MAP3K7: variants seen among roughly 807,000 people sequenced by gnomAD.
MAP3K7 encodes the protein TGF-beta activated kinase 1.
Under a neutral mutation model 84.8 loss-of-function variants are expected in MAP3K7, and 21 were observed. The observed-to-expected ratio is 0.25, with a 90% CI of 0.18 to 0.36. The LOEUF is 0.36. Ranked by LOEUF, MAP3K7 falls within the 10% of genes least tolerant of loss-of-function variation. The probability of loss-of-function intolerance (pLI) is 1.00; values close to 1 mark genes in which losing one functional copy is unlikely to be tolerated. For synonymous variants in MAP3K7, 241 were observed against 247.7 expected, an observed-to-expected ratio of 0.97 and a Z score of 0.25; for missense variants, 503 against 747.7, an observed-to-expected ratio of 0.67 and a Z score of 3.82.
intron 5 of MAP3K7, 90 bp downstream of exon 5, chr6:90,559,986 A>G (rs1190565689): frequency 6.9e-7 from 1 of 1,442,468 alleles, no homozygotes. Context: ...CCTGTACAAT[A>G]ATGAGCTTGA....
At chr6:90,537,519 GAAT>G (rs1298098678) in intron 12 of MAP3K7, among the ~76,000 whole-genome samples, 1 of 151,964 alleles carries the variant, frequency 6.6e-6, no homozygotes, top group African/African-American at 2.4e-5. Flanking sequence ...ATGTTTAATA[GAAT>G]AATATGTGTA....
At chr6:90,576,252 T>C (rs952163248) in intron 1 of MAP3K7, among the ~76,000 whole-genome samples, 3 of 151,594 alleles carry the variant, frequency 2.0e-5, no homozygotes, top group Non-Finnish European at 4.4e-5. Flanking sequence ...TGAAACCCCA[T>C]CTCTACTAAA....
chr6:90,542,254 G>A (rs1387899836), intron 12 of MAP3K7: 45 of 984,116 alleles, frequency 4.6e-5, no homozygotes, highest in Non-Finnish European at 5.1e-5. Flanking sequence ...CATTACCTAT[G>A]AGCACATTCA....
chr6:90,566,197 T>C (rs1307811204), intron 3 of MAP3K7, among the ~76,000 whole-genome samples: 5 of 152,200 alleles, frequency 3.3e-5, no homozygotes, highest in Non-Finnish European at 7.3e-5. Flanking sequence ...CAACATAGTG[T>C]TGGAAGTTCT....
chr6:90,540,616 A>G (rs1338451229), intron 12 of MAP3K7, among the ~76,000 whole-genome samples: 1 of 151,942 alleles, frequency 6.6e-6, no homozygotes, highest in Non-Finnish European at 1.5e-5. Context: ...GTATATATGT[A>G]TATGACAGTA....
At chr6:90,567,570 G>T (rs1185805537) in intron 3 of MAP3K7, among the ~76,000 whole-genome samples, 2 of 152,192 alleles carry the variant, frequency 1.3e-5, no homozygotes, top group South Asian at 4.1e-4. Context: ...AACAACAGGT[G>T]CTGGAGAGGA....
At chr6:90,517,717 TTC>T (rs1301293088) in intron 16 of MAP3K7, among the ~76,000 whole-genome samples, 4 of 151,932 alleles carry the variant, frequency 2.6e-5, no homozygotes, top group Non-Finnish European at 5.9e-5. Flanking sequence ...AAACAATTTT[TTC>T]TCTCTTTTTT....
intron 8 of MAP3K7, 34 bp downstream of exon 8, chr6:90,552,015 C>G: frequency 6.4e-7 from 1 of 1,572,214 alleles, no homozygotes; most frequent in Non-Finnish European, 8.7e-7. Flanking sequence ...TTAAATTCCC[C>G]TAAATCCAAA....
rs1398296307 is a variant in MAP3K7 at position 90,548,190 on chromosome 6, G to A, written c.950-13C>T. 1 of 1,599,220 alleles carries A rather than the reference G, an allele frequency of 6.3e-7. No individual in the cohort carries two copies. The highest frequency in any genetic ancestry group is 8.5e-7 in the Non-Finnish European group (1 of 1,173,684). ...TCCATGAATGAGCCTAGGAAAAGCAGAAACATTTATGACTAATGGCTGGAA... is the reference window on the plus strand; with the variant it reads ...TCCATGAATGAGCCTAGGAAAAGCAAAAACATTTATGACTAATGGCTGGAA... On this transcript the variant is annotated splice_polypyrimidine_tract_variant and intron_variant, in intron 9 of 16. Transcript: ENST00000369329.
chr6:90,561,429 G>C (rs1467431752), intron 4 of MAP3K7, among the ~76,000 whole-genome samples, 193 bp downstream of exon 4: 2 of 151,968 alleles, frequency 1.3e-5, no homozygotes, highest in Non-Finnish European at 2.9e-5. Context: ...AAAATTGATA[G>C]ACCTCTAAAT....
chr6:90,565,516 G>A (rs1776672077), intron 3 of MAP3K7, among the ~76,000 whole-genome samples: 2 of 152,152 alleles, frequency 1.3e-5, no homozygotes, highest in Admixed American at 1.3e-4. Context: ...AAACCAGGAA[G>A]AAGTTGAATC....
intron 9 of MAP3K7, among the ~76,000 whole-genome samples, chr6:90,548,936 T>G (rs1048496303): frequency 1.3e-5 from 2 of 151,798 alleles, no homozygotes; most frequent in Non-Finnish European, 2.9e-5. Flanking sequence ...CTAGTGACCT[T>G]GACAAGAACA....
intron 1 of MAP3K7, among the ~76,000 whole-genome samples, chr6:90,585,398 C>G (rs1244704261): frequency 6.6e-6 from 1 of 152,194 alleles, no homozygotes; most frequent in Non-Finnish European, 1.5e-5. Context: ...CGTTATCTCA[C>G]TACTTTGAAC....
At chr6:90,552,230 T>C (rs764261030) in intron 7 of MAP3K7, 51 bp from the exon 8 acceptor site, 1 of 1,525,578 alleles carries the variant, frequency 6.6e-7, no homozygotes, top group South Asian at 1.2e-5. Flanking sequence ...ACCCAAAGAA[T>C]GATGCAAACT....
intron 2 of MAP3K7, 116 bp downstream of exon 2, chr6:90,571,581 C>T (rs566076340): frequency 7.9e-5 from 41 of 515,880 alleles, no homozygotes; most frequent in Middle Eastern, 1.0e-3. Context: ...AACCGAATTG[C>T]TGATGTTCAT....
chr6:90,561,805 C>G, intron 3 of MAP3K7, 138 bp from the exon 4 acceptor site: 1 of 648,944 alleles, frequency 1.5e-6, no homozygotes, highest in Non-Finnish European at 2.8e-6. Context: ...GTGAATAGTA[C>G]TAGGGAAGGA....
chr6:90,585,845 C>G (rs1777427990), intron 1 of MAP3K7, among the ~76,000 whole-genome samples: 1 of 152,180 alleles, frequency 6.6e-6, no homozygotes, highest in South Asian at 2.1e-4. Context: ...TGATCGTAGA[C>G]CAGTCTATGT....
rs748938590 is a variant in MAP3K7 at position 90,544,558 on chromosome 6, T to C, written c.1285A>G (p.Ile429Val). 1.9e-6 allele frequency: 3 copies of C among 1,612,246 alleles called. No homozygotes were observed. The highest frequency in any genetic ancestry group is 1.1e-5 in the South Asian group (1 of 91,058). Reference sequence around the variant, plus strand: ...CTCAGGTGGTCTATGATACCTGATATGACGATCTCAGGGACATCCAGAATG... The same window carrying C: ...CTCAGGTGGTCTATGATACCTGATACGACGATCTCAGGGACATCCAGAATG... ...GNILDVPEIV[I>V]SGNGQPRRRS... Residue 429 changes from isoleucine (I) to valine (V), a missense_variant, in exon 12 of 17, where the codon ATA becomes GTA. Ile to Val is a conservative substitution (Grantham distance 29). Transcript: ENST00000369329.
chr6:90,547,524 G>A lies in MAP3K7; in HGVS notation c.1081-137C>T, dbSNP rs184455055. On this transcript the variant is annotated intron_variant, in intron 10 of 16. Coordinates refer to ENST00000369329, the MANE Select transcript of MAP3K7 (RefSeq NM_145331.3). ...TCTGAAAGGAGAGGGAAGTTTGTAC[G>A]AGAGGGAGCTACAGGGGTAAGGGAA... 6.3e-4 allele frequency: 580 copies of A among 916,606 alleles called. 4 individuals carry two copies. In the African/African-American group the frequency reaches 8.4e-3, roughly 13 times the overall value. The allele number at this position is 916,606 out of a possible 1,614,324, so 56.8% of individuals were successfully genotyped here. A position where few individuals can be genotyped will look rare whatever the true frequency, so the allele number is the denominator to read the frequency against.
Sources: gnomAD v4.1 joint callset for allele counts (sites outside exome capture counted in the v4.1 genomes callset) on GRCh38, gnomAD v4.1.1 for gene constraint, MANE v1.5 for transcripts, NCBI Gene and HGNC (gene_info 2026-07-23, HGNC 2026-07-21) for gene names.